The following MSI2 variants were observed in gnomAD, a reference collection of about 807,000 sequenced individuals.
MSI2 encodes RNA-binding protein Musashi homolog 2.
A neutral mutation model predicts 45.6 loss-of-function variants in MSI2; 17 were observed. The ratio of observed to expected loss-of-function variants is 0.37; its 90% confidence interval spans 0.26 to 0.56. MSI2 has a LOEUF of 0.56. Ranked by LOEUF, MSI2 falls within the 20% of genes least tolerant of loss-of-function variation. MSI2 has a pLI of 0.77. For synonymous variants in MSI2, 156 were observed against 158.2 expected, an observed-to-expected ratio of 0.99 and a Z score of 0.11; for missense variants, 293 against 444.2, an observed-to-expected ratio of 0.66 and a Z score of 3.06.
chr17:57,402,667 C>T (rs2084015247), intron 6 of MSI2, among the ~76,000 whole-genome samples: 1 of 152,136 alleles, frequency 6.6e-6, no homozygotes, highest in African/African-American at 2.4e-5. Flanking sequence ...TTTATTCAGC[C>T]TCAAAATGGA....
chr17:57,599,487 T>A (rs1031528003), intron 8 of MSI2, among the ~76,000 whole-genome samples: 1 of 152,166 alleles, frequency 6.6e-6, no homozygotes, highest in African/African-American at 2.4e-5. Context: ...GCCAGAGAGA[T>A]TTGCAGCCAT....
intron 6 of MSI2, among the ~76,000 whole-genome samples, chr17:57,467,704 C>A (rs2085353446): frequency 6.6e-6 from 1 of 152,088 alleles, no homozygotes. Context: ...AGAGGGTGAT[C>A]CAGGACCTCT....
the MSI2 span, among the ~76,000 whole-genome samples, chr17:57,692,829 C>T: frequency 1.3e-5 from 2 of 149,840 alleles, no homozygotes; most frequent in African/African-American, 4.9e-5. Context: ...TTAATTTTAC[C>T]TCTCTCTCTC....
At chr17:57,698,101 C>A in the MSI2 span, among the ~76,000 whole-genome samples, 1 of 152,182 alleles carries the variant, frequency 6.6e-6, no homozygotes, top group African/African-American at 2.4e-5. Context: ...TGCCCTCCCA[C>A]CTTCCTGTCA....
chr17:57,395,938 G>A (rs1479927657), intron 5 of MSI2, among the ~76,000 whole-genome samples: 1 of 152,168 alleles, frequency 6.6e-6, no homozygotes, highest in African/African-American at 2.4e-5. Context: ...CGCACAATGG[G>A]GAGGATGAAC....
At chr17:57,346,294 AC>A (rs1567771312) in intron 5 of MSI2, among the ~76,000 whole-genome samples, 1 of 146,056 alleles carries the variant, frequency 6.8e-6, no homozygotes, top group Non-Finnish European at 1.5e-5. Flanking sequence ...CAGCGAAGTA[AC>A]CCCTTCTCAT....
intron 6 of MSI2, among the ~76,000 whole-genome samples, chr17:57,403,629 CT>C (rs1177108529): frequency 6.6e-6 from 1 of 152,034 alleles, no homozygotes; most frequent in Admixed American, 6.6e-5. Context: ...ATTTTAGTAG[CT>C]TTTTTTTCAT....
intron 7 of MSI2, among the ~76,000 whole-genome samples, chr17:57,553,219 G>C (rs1167000400): frequency 6.6e-6 from 1 of 152,192 alleles, no homozygotes; most frequent in East Asian, 1.9e-4. Context: ...CTAGGCTCAT[G>C]GGCACAGAGC....
intron 11 of MSI2, among the ~76,000 whole-genome samples, chr17:57,669,351 A>G (rs1434817699): frequency 1.3e-5 from 2 of 152,224 alleles, no homozygotes; most frequent in Admixed American, 1.3e-4. Flanking sequence ...TTGACAGCCA[A>G]CTGGCATTGT....
intron 5 of MSI2, chr17:57,285,954 A>C (rs1278206843): frequency 3.9e-6 from 6 of 1,534,800 alleles, no homozygotes; most frequent in Non-Finnish European, 5.2e-6. Context: ...CTTTTTATTC[A>C]ACATGGATGG....
At chr17:57,501,516 C>A (rs945961975) in intron 6 of MSI2, among the ~76,000 whole-genome samples, 11 of 152,232 alleles carry the variant, frequency 7.2e-5, no homozygotes, top group Non-Finnish European at 1.3e-4. Flanking sequence ...GGTGGTCCTG[C>A]CTCCAGGCTG....
intron 5 of MSI2, among the ~76,000 whole-genome samples, chr17:57,390,877 C>T (rs1276930984): frequency 6.6e-6 from 1 of 152,140 alleles, no homozygotes; most frequent in Non-Finnish European, 1.5e-5. Flanking sequence ...CTCGGCCATT[C>T]CTTCTAACAT....
At chr17:57,677,359 A>T (rs551184004) in intron 13 of MSI2, among the ~76,000 whole-genome samples, 1 of 152,266 alleles carries the variant, frequency 6.6e-6, no homozygotes, top group South Asian at 2.1e-4. Flanking sequence ...CTGTCTTGAA[A>T]TACAATCAAG....
At chr17:57,403,662 T>G (rs1264254409) in intron 6 of MSI2, among the ~76,000 whole-genome samples, 1 of 152,196 alleles carries the variant, frequency 6.6e-6, no homozygotes, top group Non-Finnish European at 1.5e-5. Flanking sequence ...GTGCATTATT[T>G]GTGTCTGTCT....
intron 6 of MSI2, among the ~76,000 whole-genome samples, chr17:57,446,986 C>T (rs985345917): frequency 7.9e-5 from 12 of 152,168 alleles, no homozygotes; most frequent in Non-Finnish European, 1.0e-4. Context: ...AAAGTTGCCT[C>T]CAAAAATCCA....
chr17:57,307,766 C>A (rs2143582536), intron 5 of MSI2, among the ~76,000 whole-genome samples: 1 of 152,316 alleles, frequency 6.6e-6, no homozygotes, highest in South Asian at 2.1e-4. Context: ...GCTTGCCAAC[C>A]CTCCACAATC....
chr17:57,288,483 G>C (rs932051574), intron 5 of MSI2, among the ~76,000 whole-genome samples: 5 of 152,202 alleles, frequency 3.3e-5, no homozygotes, highest in Non-Finnish European at 7.3e-5. Flanking sequence ...TAAACTGAGA[G>C]TTAGCCTCAC....
chr17:57,622,654 A>C (rs879515969), intron 9 of MSI2, among the ~76,000 whole-genome samples: 19 of 125,402 alleles, frequency 1.5e-4, no homozygotes, highest in Non-Finnish European at 1.2e-4. Flanking sequence ...AAATGTGAGC[A>C]AAAAAAAAAA....
At chr17:57,657,529 A>C (rs1385378094) in intron 11 of MSI2, among the ~76,000 whole-genome samples, 3 of 152,236 alleles carry the variant, frequency 2.0e-5, no homozygotes, top group Non-Finnish European at 4.4e-5. Context: ...TGGAAATTCT[A>C]AGAGCTCCAG....
Sources: gnomAD v4.1 joint callset for allele counts (sites outside exome capture counted in the v4.1 genomes callset) on GRCh38, gnomAD v4.1.1 for gene constraint, MANE v1.5 for transcripts, NCBI Gene and HGNC (gene_info 2026-07-23, HGNC 2026-07-21) for gene names.